CCDC191: variants seen among roughly 807,000 people sequenced by gnomAD.
CCDC191 encodes the protein coiled-coil domain-containing protein 191.
CCDC191 carries 99 observed loss-of-function variants against 114.0 expected under a neutral mutation model. The observed-to-expected ratio is 0.87, with a 90% CI of 0.74 to 1.03. The LOEUF (loss-of-function observed/expected upper bound fraction) is 1.03, where lower values mean the gene tolerates loss of function less well. CCDC191 is among the 50% of genes least tolerant of loss of function. CCDC191 has a pLI of 0.00. For missense variants in CCDC191, 973 were observed against 1,087.0 expected, an observed-to-expected ratio of 0.90 and a Z score of 1.47; for synonymous variants, 351 against 376.0, an observed-to-expected ratio of 0.93 and a Z score of 0.77.
Position 114,056,463 on chromosome 3 carries a change from G to A in CCDC191, c.4C>T (p.Leu2Phe), listed in dbSNP as rs1214631969. 1.2e-6 allele frequency: 2 copies of A among 1,614,046 alleles called. No individual in the cohort carries two copies. Among genetic ancestry groups the A allele is most frequent in the Admixed American group, 1.7e-5 (1 of 60,010 alleles). Reference sequence around the variant, plus strand: ...AAGGACCTTCCCTGAGGCGCCAGGAGCATTTTCCAAGTTCGAGCCCGAACC... The same window carrying A: ...AAGGACCTTCCCTGAGGCGCCAGGAACATTTTCCAAGTTCGAGCCCGAACC... Reference protein sequence around the residue: MLLAPQGRSFSK... With the variant: MFLAPQGRSFSK... Residue 2 changes from leucine (L) to phenylalanine (F), a missense_variant, in exon 1 of 17, where the codon CTC becomes TTC. Transcript: ENST00000295878.
At chr3:114,006,019 C>T (rs2107668435) in intron 9 of CCDC191, 57 bp from the exon 10 acceptor site, 1 of 1,458,202 alleles carries the variant, frequency 6.9e-7, no homozygotes, top group East Asian at 2.3e-5. Flanking sequence ...CTGATGAAAT[C>T]CAACATTTAT....
rs756159566 is a variant in CCDC191 at position 114,018,883 on chromosome 3, T to C, written c.973-15A>G. ...CGTTTTTGACACTGCAGCGGAAATA[T>C]TAGGAAAATCACCACCCATCAGCGC... On this transcript the variant is annotated splice_polypyrimidine_tract_variant and intron_variant, in intron 7 of 16. Transcript: ENST00000295878. 9.9e-6 allele frequency: 16 copies of C among 1,611,910 alleles called. No individual in the cohort carries two copies. Among genetic ancestry groups the C allele is most frequent in the Non-Finnish European group, 1.4e-5 (16 of 1,178,748 alleles).
Position 114,002,478 on chromosome 3 carries a change from T to C in CCDC191, c.2039A>G (p.Lys680Arg). The C allele has an allele frequency of 6.2e-7, 1 of 1,610,356 alleles. No homozygotes were observed. The highest frequency in any genetic ancestry group is 8.5e-7 in the Non-Finnish European group (1 of 1,178,636). The change falls in exon 12 of 17, where the codon AAA (lysine) becomes AGA (arginine). Residue 680 changes from lysine (K) to arginine (R), a missense_variant. Transcript: ENST00000295878. ...ECRRILAEKK[K>R]KQEEEKLAQL... is the part of the protein sequence containing the mutation. Reference sequence around the variant, plus strand: ...TACCAATTTTTCTTCTTCTTGTTTTTTCTTCTTCTCTGCCAAGATCCGCCT... The same window carrying C: ...TACCAATTTTTCTTCTTCTTGTTTTCTCTTCTTCTCTGCCAAGATCCGCCT...
At chr3:114,038,423 T>C (rs1351682176) in intron 4 of CCDC191, among the ~76,000 whole-genome samples, 1 of 152,204 alleles carries the variant, frequency 6.6e-6, no homozygotes, top group East Asian at 1.9e-4. Flanking sequence ...ATTACTCATG[T>C]GTTTGTGGTG....
chr3:113,989,342 G>A (rs2075479599), intron 13 of CCDC191, among the ~76,000 whole-genome samples: 1 of 152,146 alleles, frequency 6.6e-6, no homozygotes, highest in South Asian at 2.1e-4. Context: ...TGGCAGCTGA[G>A]TACTATAGTA....
chr3:114,005,493 A>G lies in CCDC191; in HGVS notation c.1868+15T>C, dbSNP rs1440775968. ...CTTAAAATGAGTCCAGCGAGTTCTG[A>G]TAGAACAGACATACTTCACAAGCAT... On this transcript the variant is annotated intron_variant, in intron 10 of 16. Coordinates refer to ENST00000295878, the MANE Select transcript of CCDC191 (RefSeq NM_020817.2). The G allele has an allele frequency of 6.3e-7, 1 of 1,589,436 alleles. No individual in the cohort carries two copies. The highest frequency in any genetic ancestry group is 8.5e-7 in the Non-Finnish European group (1 of 1,169,686).
intron 16 of CCDC191, among the ~76,000 whole-genome samples, chr3:113,971,942 C>T (rs1206657918): frequency 2.0e-5 from 3 of 151,998 alleles, no homozygotes; most frequent in Non-Finnish European, 4.4e-5. Flanking sequence ...TCCATTTCTT[C>T]TATGTTTTCC....
chr3:114,014,629 T>TA (rs1018952079), intron 8 of CCDC191, among the ~76,000 whole-genome samples: 2 of 152,102 alleles, frequency 1.3e-5, no homozygotes, highest in Non-Finnish European at 2.9e-5. Flanking sequence ...TTATCCAAAT[T>TA]AAAAAATGCC....
intron 2 of CCDC191, among the ~76,000 whole-genome samples, chr3:114,050,226 C>T (rs962351361): frequency 5.3e-5 from 8 of 152,202 alleles, no homozygotes; most frequent in Non-Finnish European, 1.0e-4. Flanking sequence ...ATCCCATGGT[C>T]CACTACAGAT....
intron 6 of CCDC191, among the ~76,000 whole-genome samples, chr3:114,034,141 TTTTC>T (rs1254589873): frequency 6.6e-6 from 1 of 152,242 alleles, no homozygotes; most frequent in Non-Finnish European, 1.5e-5. Context: ...CAGATATTCT[TTTTC>T]TTTATCAGTG....
rs2075907824 is a variant in CCDC191, at chr3:114,004,358, A to G, written c.1978+279T>C. ...ATTATTCCTTTTTTTTTCACAATCC[A>G]AATCTCAAATTACAGAAAAATGATA... On this transcript the variant is annotated intron_variant, in intron 11 of 16. Coordinates refer to ENST00000295878, the MANE Select transcript of CCDC191 (RefSeq NM_020817.2). 8 of 1,018,154 alleles carry G rather than the reference A, an allele frequency of 7.9e-6. No individual in the cohort carries two copies. The South Asian group carries it at 3.5e-4, about 44-fold the overall frequency. 63.1% of individuals were successfully genotyped at this position (1,018,154 alleles called of 1,614,324 possible). A position where few individuals can be genotyped will look rare whatever the true frequency, so the allele number is the denominator to read the frequency against.
chr3:114,052,903 T>C (rs2076715477), intron 2 of CCDC191, among the ~76,000 whole-genome samples: 1 of 152,188 alleles, frequency 6.6e-6, no homozygotes, highest in Non-Finnish European at 1.5e-5. Context: ...TTGAAACATG[T>C]GGTACACGAT....
At chr3:114,010,744 T>C in intron 9 of CCDC191, 28 bp downstream of exon 9, 1 of 1,573,204 alleles carries the variant, frequency 6.4e-7, no homozygotes, top group East Asian at 2.3e-5. Flanking sequence ...CAAATGCAAG[T>C]GTTTACTAAG....
intron 4 of CCDC191, among the ~76,000 whole-genome samples, chr3:114,039,995 C>T (rs2076539279): frequency 6.6e-6 from 1 of 152,218 alleles, no homozygotes; most frequent in Non-Finnish European, 1.5e-5. Flanking sequence ...ACTCACAACT[C>T]ACTCACTGAC....
chr3:114,020,949 A>C (rs1202004877), intron 7 of CCDC191, among the ~76,000 whole-genome samples: 1 of 152,136 alleles, frequency 6.6e-6, no homozygotes, highest in African/African-American at 2.4e-5. Flanking sequence ...CATCACTATA[A>C]AATAAAGATT....
intron 4 of CCDC191, among the ~76,000 whole-genome samples, chr3:114,042,465 C>T (rs2076576272): frequency 6.6e-6 from 1 of 152,014 alleles, no homozygotes; most frequent in Non-Finnish European, 1.5e-5. Context: ...GAACTAATTC[C>T]TCACAGTTAG....
At chr3:114,031,109 TA>T (rs938254704) in intron 7 of CCDC191, among the ~76,000 whole-genome samples, 1 of 152,082 alleles carries the variant, frequency 6.6e-6, no homozygotes, top group Non-Finnish European at 1.5e-5. Flanking sequence ...TACAAAAAGA[TA>T]AAGTGAAAGA....
chr3:114,020,824 AC>A lies in CCDC191; in HGVS notation c.973-1957del, dbSNP rs200755379. On this transcript the variant is annotated intron_variant, in intron 7 of 16. Transcript: ENST00000295878. Reference sequence around the variant, plus strand: ...TATTTCAAATGATGAAATAGAACAAACATAATCCATCTTGATAATAATAACA... The same window carrying A: ...TATTTCAAATGATGAAATAGAACAAAATAATCCATCTTGATAATAATAACA... Among the ~76,000 whole-genome samples, 139 of 152,266 alleles carry A rather than the reference AC, an allele frequency of 9.1e-4. 3 individuals carry two copies. In the East Asian group the frequency reaches 0.015, roughly 16 times the overall value.
chr3:113,977,626 G>A (rs1202472634), intron 16 of CCDC191, among the ~76,000 whole-genome samples: 2 of 152,122 alleles, frequency 1.3e-5, no homozygotes, highest in Non-Finnish European at 2.9e-5. Context: ...ATACTTAGGA[G>A]AAAAGTAAAA....
Sources: allele counts gnomAD v4.1 joint callset (sites outside exome capture counted in the v4.1 genomes callset), GRCh38; gene constraint gnomAD v4.1.1; transcripts MANE v1.5; gene names NCBI Gene and HGNC (gene_info 2026-07-23, HGNC 2026-07-21).